The following SATB2 variants were observed in gnomAD, a reference collection of about 807,000 sequenced individuals.
SATB2 encodes the protein DNA-binding protein SATB2.
Under a neutral mutation model 73.4 loss-of-function variants are expected in SATB2, and 1 was observed. That is an observed-to-expected ratio of 0.01 (90% confidence interval 0.00 to 0.06). The LOEUF (loss-of-function observed/expected upper bound fraction) is 0.06. Ranked by LOEUF, SATB2 falls within the 10% of genes least tolerant of loss-of-function variation. The probability of loss-of-function intolerance (pLI) is 1.00; values close to 1 mark genes in which losing one functional copy is unlikely to be tolerated. For missense variants in SATB2, 459 were observed against 945.8 expected (o/e 0.49, Z 6.75); for synonymous variants, 397 against 367.0 (o/e 1.08, Z -0.93).
intron 7 of SATB2, among the ~76,000 whole-genome samples, chr2:199,342,484 G>C (rs2105814499): frequency 6.6e-6 from 1 of 151,080 alleles, no homozygotes; most frequent in South Asian, 2.1e-4. Context: ...TTTTACATAA[G>C]GTCATAATGA....
intron 7 of SATB2, among the ~76,000 whole-genome samples, chr2:199,346,261 T>C (rs565154688): frequency 6.6e-6 from 1 of 152,070 alleles, no homozygotes; most frequent in Admixed American, 6.6e-5. Context: ...GTGATTCTCC[T>C]ACCTCAGCCT....
intron 10 of SATB2, among the ~76,000 whole-genome samples, chr2:199,279,915 C>T (rs765912859): frequency 1.1e-3 from 174 of 152,238 alleles, no homozygotes; most frequent in Non-Finnish European, 1.8e-3. Context: ...CCAAGGCGGG[C>T]GGATCACTTG....
intron 3 of SATB2, among the ~76,000 whole-genome samples, chr2:199,424,176 G>A (rs985574016): frequency 6.6e-6 from 1 of 152,220 alleles, no homozygotes; most frequent in African/African-American, 2.4e-5. Flanking sequence ...GCAAGCAAGT[G>A]GCACGTGCTC....
chr2:199,408,641 C>T (rs1269826009), intron 3 of SATB2, among the ~76,000 whole-genome samples: 1 of 148,122 alleles, frequency 6.8e-6, no homozygotes, highest in Admixed American at 6.7e-5. Context: ...AGAAAAGAGA[C>T]CAAATGTATA....
At chr2:199,299,212 C>G (rs1329216101) in intron 10 of SATB2, among the ~76,000 whole-genome samples, 1 of 152,172 alleles carries the variant, frequency 6.6e-6, no homozygotes, top group African/African-American at 2.4e-5. Context: ...AGTGGACACA[C>G]TTATTATCTA....
Position 199,432,989 on chromosome 2 carries a change from T to C in SATB2, c.346+349A>G, listed in dbSNP as rs753008003. Among the ~76,000 whole-genome samples, 40 of 152,264 alleles carry C rather than the reference T, an allele frequency of 2.6e-4. 1 individual carries two copies. Among genetic ancestry groups the C allele is most frequent in the Admixed American group, 5.2e-4 (8 of 15,286 alleles). The stretch of plus-strand genomic sequence containing the variant: ...CACAGGCCCAAAGCAATAAATAAAT[T>C]TGGAAAACTGAATGCTTTATAAGTC... On this transcript the variant is annotated intron_variant, in intron 3 of 10. Coordinates refer to ENST00000417098, the MANE Select transcript of SATB2 (RefSeq NM_001172509.2).
chr2:199,456,983 G>T (rs1429727422), intron 1 of SATB2, among the ~76,000 whole-genome samples: 1 of 149,852 alleles, frequency 6.7e-6, no homozygotes, highest in Non-Finnish European at 1.5e-5. Context: ...GGTGGGGGGG[G>T]GCGGGGAAGG....
In SATB2 at chr2:199,295,663, C is replaced by T. The variant is rs550111137; in HGVS notation, c.1740+13097G>A. ...GCTTCCCAGACTTGCTCACTGAATCCCTTTGCCTGGCCTGACTTACCTGTC... is the reference window on the plus strand; with the variant it reads ...GCTTCCCAGACTTGCTCACTGAATCTCTTTGCCTGGCCTGACTTACCTGTC... On this transcript the variant is annotated intron_variant, in intron 10 of 10. Coordinates refer to ENST00000417098, the MANE Select transcript of SATB2 (RefSeq NM_001172509.2). 9.2e-5 allele frequency among the ~76,000 whole-genome samples: 14 copies of T among 152,270 alleles called. 1 individual carries two copies. The South Asian group carries it at 2.7e-3, about 29-fold the overall frequency.
At chr2:199,311,076 C>G (rs1249165725) in intron 9 of SATB2, among the ~76,000 whole-genome samples, 1 of 152,184 alleles carries the variant, frequency 6.6e-6, no homozygotes, top group Non-Finnish European at 1.5e-5. Flanking sequence ...CATGCAAGGT[C>G]TTGACCTTGA....
intron 7 of SATB2, among the ~76,000 whole-genome samples, chr2:199,340,214 TGGCTTTGATGA>T (rs1688463360): frequency 6.6e-6 from 1 of 152,186 alleles, no homozygotes; most frequent in African/African-American, 2.4e-5. Context: ...TCAAATGATG[TGGCTTTGATGA>T]GTAAACTGCA....
At chr2:199,305,016 A>C (rs943107959) in intron 10 of SATB2, among the ~76,000 whole-genome samples, 2 of 152,182 alleles carry the variant, frequency 1.3e-5, no homozygotes, top group Non-Finnish European at 2.9e-5. Flanking sequence ...GGGATTATAA[A>C]ATTATAATAA....
At chr2:199,381,389 T>C (rs182697550) in intron 4 of SATB2, among the ~76,000 whole-genome samples, 4 of 152,268 alleles carry the variant, frequency 2.6e-5, no homozygotes, top group East Asian at 1.9e-4. Flanking sequence ...AGAGGACCCA[T>C]TGAATAAGGG....
chr2:199,425,354 A>G (rs1330679314), intron 3 of SATB2, among the ~76,000 whole-genome samples: 1 of 152,242 alleles, frequency 6.6e-6, no homozygotes, highest in African/African-American at 2.4e-5. Context: ...AAAATATATC[A>G]AAGTTAATTG....
intron 5 of SATB2, among the ~76,000 whole-genome samples, chr2:199,376,078 G>A (rs1056558483): frequency 2.0e-5 from 3 of 152,212 alleles, no homozygotes; most frequent in African/African-American, 7.2e-5. Flanking sequence ...AATCTGGAAT[G>A]TTTAAGGATA....
At chr2:199,431,163 A>G (rs1408847405) in intron 3 of SATB2, among the ~76,000 whole-genome samples, 2 of 152,222 alleles carry the variant, frequency 1.3e-5, no homozygotes, top group East Asian at 1.9e-4. Context: ...ATCAAAAGTC[A>G]TATTTTGTTC....
At chr2:199,439,932 C>T (rs1285518098) in intron 2 of SATB2, among the ~76,000 whole-genome samples, 1 of 152,086 alleles carries the variant, frequency 6.6e-6, no homozygotes, top group Non-Finnish European at 1.5e-5. Flanking sequence ...GGTGAGACCC[C>T]CGTATCTACT....
rs529361829 is a variant in SATB2 at position 199,453,817 on chromosome 2, C to T, written c.169+2052G>A. 4.6e-5 allele frequency among the ~76,000 whole-genome samples: 7 copies of T among 151,972 alleles called. No individual in the cohort carries two copies. The South Asian group carries it at 1.5e-3, about 32-fold the overall frequency. Reference sequence around the variant, plus strand: ...ATCTCTTTACACACTATTATGCTGTCTTTTTTAAAAAAATTTAAATTCCAC... The same window carrying T: ...ATCTCTTTACACACTATTATGCTGTTTTTTTTAAAAAAATTTAAATTCCAC... On this transcript the variant is annotated intron_variant, in intron 2 of 10. Coordinates refer to ENST00000417098, the MANE Select transcript of SATB2 (RefSeq NM_001172509.2).
At chr2:199,430,411 C>T (rs1021553841) in intron 3 of SATB2, among the ~76,000 whole-genome samples, 2 of 152,190 alleles carry the variant, frequency 1.3e-5, no homozygotes, top group African/African-American at 4.8e-5. Flanking sequence ...GGCCTGCCAG[C>T]TTTCGGCTTT....
intron 3 of SATB2, among the ~76,000 whole-genome samples, chr2:199,401,893 A>G (rs1242181496): frequency 6.6e-6 from 1 of 152,114 alleles, no homozygotes; most frequent in Non-Finnish European, 1.5e-5. Context: ...AGGCAGATAA[A>G]TGGCATTATT....
Sources: gnomAD v4.1 joint callset for allele counts (sites outside exome capture counted in the v4.1 genomes callset) on GRCh38, gnomAD v4.1.1 for gene constraint, MANE v1.5 for transcripts, NCBI Gene and HGNC (gene_info 2026-07-23, HGNC 2026-07-21) for gene names.